LRBA: variants seen among roughly 807,000 people sequenced by gnomAD.
The protein encoded by LRBA is lipopolysaccharide-responsive and beige-like anchor protein.
In LRBA, 176 loss-of-function variants were observed where a neutral mutation model predicts 330.0. The observed-to-expected ratio is 0.53, with a 90% CI of 0.47 to 0.60. The LOEUF (loss-of-function observed/expected upper bound fraction) is 0.60, where lower values mean the gene tolerates loss of function less well. Ranked by LOEUF, LRBA falls within the 20% of genes least tolerant of loss-of-function variation. The probability of loss-of-function intolerance (pLI) is 0.00; values close to 1 mark genes in which losing one functional copy is unlikely to be tolerated. For missense variants in LRBA, 3,259 were observed against 3,444.8 expected, an observed-to-expected ratio of 0.95 and a Z score of 1.35; for synonymous variants, 1,230 against 1,193.0, an observed-to-expected ratio of 1.03 and a Z score of -0.64.
chr4:150,526,933 G>A (rs960436016), intron 40 of LRBA, among the ~76,000 whole-genome samples: 1 of 151,358 alleles, frequency 6.6e-6, no homozygotes, highest in Non-Finnish European at 1.5e-5. Context: ...AATCACAGAA[G>A]ATCTATATAT....
At chr4:150,767,756 CAAA>C (rs373910038) in intron 34 of LRBA, among the ~76,000 whole-genome samples, 79,695 of 118,620 alleles carry the variant, frequency 0.67, 30,474 homozygotes, top group Non-Finnish European at 0.87. Context: ...AGACTTGTTG[CAAA>C]AAAAAAAAAA....
At position 150,782,187 on chromosome 4, in the gene LRBA, G is replaced by A. The variant is rs141891335; in HGVS notation, c.5580+15894C>T. On this transcript the variant is annotated intron_variant, in intron 34 of 56. Transcript: ENST00000651943. ...CTCCCAAAGTGCTGGGATTTCAGGC[G>A]TGAGCCACTGCACCTGGTCTTGCTT... is the stretch of plus-strand genomic sequence containing the variant. Among the ~76,000 whole-genome samples, 699 of 152,238 alleles carry A rather than the reference G, an allele frequency of 4.6e-3. 6 individuals are homozygous for A. Among genetic ancestry groups the A allele is most frequent in the African/African-American group, 0.016 (666 of 41,540 alleles).
intron 40 of LRBA, among the ~76,000 whole-genome samples, chr4:150,517,295 G>A (rs571344920): frequency 1.3e-5 from 2 of 152,270 alleles, no homozygotes; most frequent in Admixed American, 1.3e-4. Context: ...GCCAAGACAG[G>A]AAGACTGCTT....
At chr4:150,877,253 G>A (rs1163502830) in intron 17 of LRBA, among the ~76,000 whole-genome samples, 10 of 131,806 alleles carry the variant, frequency 7.6e-5, no homozygotes, top group African/African-American at 1.4e-4. Context: ...GCAAGACTCC[G>A]TATCAAAAAA....
intron 17 of LRBA, among the ~76,000 whole-genome samples, chr4:150,884,075 C>T (rs1728688070): frequency 6.6e-6 from 1 of 152,168 alleles, no homozygotes; most frequent in Non-Finnish European, 1.5e-5. Context: ...CCTGTCATTA[C>T]CACCCCAGTT....
chr4:150,812,295 C>T (rs936814296), intron 31 of LRBA, among the ~76,000 whole-genome samples: 5 of 152,170 alleles, frequency 3.3e-5, no homozygotes, highest in African/African-American at 1.2e-4. Flanking sequence ...TTTTCCTTAT[C>T]CTAGCACTGA....
Position 150,943,812 on chromosome 4 carries a change from G to T in LRBA, c.217-14747C>A, listed in dbSNP as rs1735934934. On this transcript the variant is annotated intron_variant, in intron 2 of 56. Transcript: ENST00000651943. ...GTCAGTCCAAAAGTCAAGCAACATA[G>T]ATATCCTCCCACATTTGGCTGGTCT... Among the ~76,000 whole-genome samples, 7 of 152,276 alleles carry T rather than the reference G, an allele frequency of 4.6e-5. No individual in the cohort carries two copies. The South Asian group carries it at 1.5e-3, about 32-fold the overall frequency.
At chr4:150,594,815 G>A (rs1364231363) in intron 38 of LRBA, among the ~76,000 whole-genome samples, 4 of 151,888 alleles carry the variant, frequency 2.6e-5, no homozygotes, top group South Asian at 2.1e-4. Flanking sequence ...GTTCTTCAGA[G>A]CTAACTCTGG....
chr4:150,359,716 T>C (rs1192138208), intron 47 of LRBA, among the ~76,000 whole-genome samples: 6 of 152,008 alleles, frequency 3.9e-5, no homozygotes, highest in African/African-American at 1.2e-4. Flanking sequence ...CGCAGTGGGT[T>C]ACACCTGTAA....
chr4:150,815,082 G>A (rs1726904714), intron 31 of LRBA, among the ~76,000 whole-genome samples: 1 of 151,908 alleles, frequency 6.6e-6, no homozygotes, highest in African/African-American at 2.4e-5. Flanking sequence ...CTAGAGGGCA[G>A]TATAAGAAAA....
chr4:150,377,493 G>T (rs1292772494), intron 47 of LRBA, among the ~76,000 whole-genome samples: 1 of 152,150 alleles, frequency 6.6e-6, no homozygotes, highest in Non-Finnish European at 1.5e-5. Context: ...CTAAAGCAAA[G>T]TAGGATTTGA....
At chr4:150,886,492 A>G (rs1342880013) in intron 17 of LRBA, among the ~76,000 whole-genome samples, 1 of 152,214 alleles carries the variant, frequency 6.6e-6, no homozygotes, top group African/African-American at 2.4e-5. Context: ...AAATTTAATT[A>G]CCATCCAATT....
At chr4:150,350,188 T>C (rs201819825) in intron 47 of LRBA, 29 bp from the exon 48 acceptor site, 1,018 of 1,459,366 alleles carry the variant, frequency 7.0e-4, no homozygotes, top group Non-Finnish European at 9.1e-4. Context: ...TGTATTACTA[T>C]GCTGAATTCC....
intron 36 of LRBA, among the ~76,000 whole-genome samples, chr4:150,684,270 C>A (rs1029359392): frequency 3.3e-5 from 5 of 152,228 alleles, no homozygotes; most frequent in Non-Finnish European, 4.4e-5. Context: ...AGTTATGAGG[C>A]CACTGCACAG....
At chr4:150,809,912 TACGATACG>T (rs1743447656) in intron 31 of LRBA, among the ~76,000 whole-genome samples, 2 of 143,808 alleles carry the variant, frequency 1.4e-5, no homozygotes, top group African/African-American at 5.2e-5. Context: ...TACGATACGA[TACGATACG>T]ATACGATACG....
rs1771596466 is a variant in LRBA, at chr4:150,583,011, C to T, written c.6330+5037G>A. ...CGTATTGCGAGACGCCGGTGTATAG[C>T]CCGGACCTGTGCCCCAACATGATCG... On this transcript the variant is annotated intron_variant, in intron 40 of 56. Coordinates refer to ENST00000651943, the MANE Select transcript of LRBA (RefSeq NM_001364905.1). The surrounding 1 kb of genome is among the most constrained non-coding windows in gnomAD (Gnocchi z 9.8). The T allele has an allele frequency of 6.4e-7, 1 of 1,572,192 alleles. No individual in the cohort carries two copies. The highest frequency in any genetic ancestry group is 1.4e-5 in the African/African-American group (1 of 73,934).
chr4:150,705,703 C>A (rs1785551876), intron 36 of LRBA, among the ~76,000 whole-genome samples: 1 of 151,930 alleles, frequency 6.6e-6, no homozygotes, highest in Non-Finnish European at 1.5e-5. Flanking sequence ...CTATGAATAT[C>A]AACTCCACTG....
intron 2 of LRBA, among the ~76,000 whole-genome samples, chr4:150,938,002 C>T (rs779910219): frequency 6.6e-6 from 1 of 151,464 alleles, no homozygotes; most frequent in Non-Finnish European, 1.5e-5. Context: ...AAGTAAAGCT[C>T]TGTTCTCCCT....
At chr4:150,648,179 T>G (rs114004111) in intron 37 of LRBA, among the ~76,000 whole-genome samples, 2 of 53,038 alleles carry the variant, frequency 3.8e-5, no homozygotes, top group Non-Finnish European at 7.8e-5. Flanking sequence ...AAAAAAAAAC[T>G]AGAAAAGAGC....
Sources: allele counts gnomAD v4.1 joint callset (sites outside exome capture counted in the v4.1 genomes callset), GRCh38; gene constraint gnomAD v4.1.1; non-coding constraint Gnocchi (gnomAD v3.1); transcripts MANE v1.5; gene names NCBI Gene and HGNC (gene_info 2026-07-23, HGNC 2026-07-21).